The following DOCK2 variants were observed in gnomAD, a reference collection of about 807,000 sequenced individuals.
DOCK2 encodes the protein dedicator of cytokinesis 2, also known as dedicator of cytokinesis protein 2.
A neutral mutation model predicts 248.9 loss-of-function variants in DOCK2; 87 were observed. The ratio of observed to expected loss-of-function variants is 0.35; its 90% CI spans 0.29 to 0.42. The LOEUF (loss-of-function observed/expected upper bound fraction) is 0.42. Among genes scored for constraint, DOCK2 ranks in the 10% least tolerant of loss-of-function variants. The probability of loss-of-function intolerance (pLI) is 1.00; values close to 1 mark genes in which losing one functional copy is unlikely to be tolerated. For missense variants in DOCK2, 1,747 were observed against 2,300.2 expected, an observed-to-expected ratio of 0.76 and a Z score of 4.92; for synonymous variants, 805 against 821.6, an observed-to-expected ratio of 0.98 and a Z score of 0.35.
At chr5:169,820,078 C>A in intron 26 of DOCK2, among the ~76,000 whole-genome samples, 1 of 152,184 alleles carries the variant, frequency 6.6e-6, no homozygotes, top group East Asian at 1.9e-4. Flanking sequence ...GGTGGAGGGG[C>A]GCCCGCCATA....
intron 27 of DOCK2, among the ~76,000 whole-genome samples, chr5:169,973,859 C>A (rs1332072553): frequency 6.6e-6 from 1 of 152,182 alleles, no homozygotes; most frequent in Non-Finnish European, 1.5e-5. Context: ...TATGTCCATA[C>A]ATCCATCTAT....
At chr5:169,744,302 G>A (rs1282229365) in intron 22 of DOCK2, among the ~76,000 whole-genome samples, 2 of 152,186 alleles carry the variant, frequency 1.3e-5, no homozygotes, top group African/African-American at 4.8e-5. Context: ...CAGAGCCTTG[G>A]TTTAGTCTTA....
At chr5:169,869,545 C>T (rs1268897210) in intron 27 of DOCK2, among the ~76,000 whole-genome samples, 1 of 152,160 alleles carries the variant, frequency 6.6e-6, no homozygotes, top group African/African-American at 2.4e-5. Context: ...GTATATTTTG[C>T]TTTGGTGGCA....
chr5:169,766,127 T>C (rs960998214), intron 25 of DOCK2, among the ~76,000 whole-genome samples: 1 of 152,188 alleles, frequency 6.6e-6, no homozygotes, highest in Non-Finnish European at 1.5e-5. Flanking sequence ...TTACATGAAT[T>C]GATTTCATGT....
intron 27 of DOCK2, among the ~76,000 whole-genome samples, chr5:169,940,854 C>T (rs919835670): frequency 1.1e-4 from 16 of 152,330 alleles, no homozygotes; most frequent in South Asian, 2.1e-4. Flanking sequence ...GGTACCAGTT[C>T]ATGGTCCAGG....
chr5:169,955,921 A>C (rs1231419910), intron 27 of DOCK2, among the ~76,000 whole-genome samples: 1 of 152,114 alleles, frequency 6.6e-6, no homozygotes, highest in Non-Finnish European at 1.5e-5. Flanking sequence ...GAACAAGCCA[A>C]GTGTGCTTTG....
rs574954151 is a variant in DOCK2, at chr5:169,893,412, C to T, written c.2799+52560C>T. 7.9e-5 allele frequency among the ~76,000 whole-genome samples: 12 copies of T among 151,614 alleles called. No individual in the cohort carries two copies. In the South Asian group the frequency reaches 1.7e-3, roughly 21 times the overall value. On this transcript the variant is annotated intron_variant, in intron 27 of 51. Coordinates refer to ENST00000520908, the MANE Select transcript of DOCK2 (RefSeq NM_004946.3). ...ATTTCTCAGCATTTTGATTTCTCTC[C>T]AGAGATTTTTCTGATATTTTTCAAT...
chr5:170,022,015 G>A (rs1262302087), intron 33 of DOCK2, among the ~76,000 whole-genome samples: 1 of 152,194 alleles, frequency 6.6e-6, no homozygotes, highest in Admixed American at 6.5e-5. Context: ...TCTAAAATGT[G>A]GGTTGCTTAA....
chr5:169,773,967 C>T (rs1765241654), intron 25 of DOCK2, among the ~76,000 whole-genome samples: 1 of 152,152 alleles, frequency 6.6e-6, no homozygotes, highest in Non-Finnish European at 1.5e-5. Flanking sequence ...ATTGTGAGAC[C>T]TCCCTAGCCA....
chr5:170,010,524 A>G (rs1169068836), intron 32 of DOCK2, among the ~76,000 whole-genome samples: 1 of 152,232 alleles, frequency 6.6e-6, no homozygotes, highest in African/African-American at 2.4e-5. Context: ...GAGAAAAAAG[A>G]CAGTCACTGT....
chr5:170,070,799 G>A (rs1757655078), intron 46 of DOCK2, among the ~76,000 whole-genome samples: 1 of 152,192 alleles, frequency 6.6e-6, no homozygotes. Context: ...TGTGTTTACT[G>A]TACCCAAAGA....
intron 29 of DOCK2, among the ~76,000 whole-genome samples, chr5:169,989,006 T>G (rs1230814262): frequency 6.6e-6 from 1 of 152,182 alleles, no homozygotes; most frequent in Non-Finnish European, 1.5e-5. Flanking sequence ...CCAACTAACT[T>G]TTCTTCCTTC....
intron 1 of DOCK2, among the ~76,000 whole-genome samples, chr5:169,649,667 T>C (rs1052503104): frequency 4.6e-5 from 7 of 152,236 alleles, no homozygotes; most frequent in African/African-American, 1.4e-4. Context: ...TGAATCCGCT[T>C]TCTGCCACTT....
At chr5:169,951,379 A>C (rs1018039375) in intron 27 of DOCK2, among the ~76,000 whole-genome samples, 4 of 152,200 alleles carry the variant, frequency 2.6e-5, no homozygotes, top group Non-Finnish European at 4.4e-5. Context: ...AACACAACAC[A>C]TGGTGGAGTC....
At chr5:169,642,882 T>A (rs1311914618) in intron 1 of DOCK2, among the ~76,000 whole-genome samples, 1 of 152,258 alleles carries the variant, frequency 6.6e-6, no homozygotes, top group Non-Finnish European at 1.5e-5. Context: ...CTATTGCTGC[T>A]GTCTTTTGAG....
chr5:169,679,921 G>T (rs1050476727), intron 6 of DOCK2, among the ~76,000 whole-genome samples: 1 of 152,070 alleles, frequency 6.6e-6, no homozygotes, highest in Admixed American at 6.6e-5. Context: ...CTTAGTAGTC[G>T]CAACCAAGCA....
chr5:169,999,204 G>C (rs1421758238), intron 30 of DOCK2, among the ~76,000 whole-genome samples: 2 of 152,174 alleles, frequency 1.3e-5, no homozygotes, highest in East Asian at 3.8e-4. Context: ...GAGATGCTCA[G>C]AGATTGAGGG....
intron 26 of DOCK2, among the ~76,000 whole-genome samples, chr5:169,831,349 A>G (rs1478133557): frequency 2.0e-5 from 3 of 152,250 alleles, no homozygotes; most frequent in African/African-American, 7.2e-5. Flanking sequence ...TGTACATAAT[A>G]GGATTCCTGA....
chr5:169,673,142 G>A (rs907269037), intron 5 of DOCK2, among the ~76,000 whole-genome samples: 2 of 152,198 alleles, frequency 1.3e-5, no homozygotes, highest in East Asian at 3.9e-4. Context: ...AGGTGGAGGG[G>A]AGTGGGGCTA....
Sources: allele counts gnomAD v4.1 joint callset (sites outside exome capture counted in the v4.1 genomes callset), GRCh38; gene constraint gnomAD v4.1.1; transcripts MANE v1.5; gene names NCBI Gene and HGNC (gene_info 2026-07-23, HGNC 2026-07-21).